Variants in BLK observed in about 807,000 individuals in gnomAD.
BLK encodes the protein BLK proto-oncogene, Src family tyrosine kinase.
BLK carries 64 observed loss-of-function variants against 61.8 expected under a neutral mutation model. The ratio of observed to expected loss-of-function variants is 1.03; its 90% CI spans 0.85 to 1.27. The LOEUF (loss-of-function observed/expected upper bound fraction) is 1.27. BLK is among the 50% of genes most tolerant of loss of function. The pLI, the probability that BLK is intolerant of heterozygous loss-of-function variation, is 0.00. For synonymous variants in BLK, 351 were observed against 272.0 expected, an observed-to-expected ratio of 1.29 and a Z score of -2.86; for missense variants, 853 against 660.5, an observed-to-expected ratio of 1.29 and a Z score of -3.19.
chr8:11,519,355 G>A (rs971946641), intron 1 of BLK, among the ~76,000 whole-genome samples: 3 of 152,120 alleles, frequency 2.0e-5, no homozygotes, highest in Non-Finnish European at 2.9e-5. Flanking sequence ...ACAGTTCCAC[G>A]GTATTGAACC....
At position 11,560,938 on chromosome 8, in the gene BLK, G is replaced by T. The variant is rs568391342; in HGVS notation, c.1030-364G>T. 243 of 483,016 alleles carry T rather than the reference G, an allele frequency of 5.0e-4. 1 individual carries two copies. The highest frequency in any genetic ancestry group is 8.9e-4 in the Non-Finnish European group (218 of 244,154). The allele number at this position is 483,016 out of a possible 1,614,324, so 29.9% of individuals were successfully genotyped here. On this transcript the variant is annotated intron_variant, in intron 10 of 12. Transcript: ENST00000259089. ...TGAGAGCTGCCTGTCCTTGCCTCCT[G>T]CTCCCCCTCCCCCTCCTTCCTTACC...
intron 1 of BLK, among the ~76,000 whole-genome samples, chr8:11,505,957 G>A (rs369955685): frequency 4.7e-4 from 72 of 152,282 alleles, no homozygotes; most frequent in African/African-American, 1.5e-3. Flanking sequence ...CCCTGCCTCC[G>A]ATAAGACCTC....
intron 1 of BLK, among the ~76,000 whole-genome samples, chr8:11,499,796 C>G (rs1285157492): frequency 6.6e-6 from 1 of 152,192 alleles, no homozygotes; most frequent in Non-Finnish European, 1.5e-5. Flanking sequence ...TTGCATCTAA[C>G]CACTAGCAGT....
At chr8:11,539,822 T>A (rs192359607) in intron 1 of BLK, among the ~76,000 whole-genome samples, 1 of 152,340 alleles carries the variant, frequency 6.6e-6, no homozygotes, top group East Asian at 1.9e-4. Context: ...ACAAACATTT[T>A]ACTATTTGGG....
chr8:11,554,829 T>G lies in BLK; in HGVS notation c.559T>G (p.Tyr187Asp). Residue 187 changes from tyrosine (Y) to aspartate (D), a missense_variant, in exon 7 of 13, where the codon TAC (tyrosine) becomes GAC (aspartate). Tyr to Asp is a radical substitution (Grantham distance 160). Coordinates refer to ENST00000259089, the MANE Select transcript of BLK (RefSeq NM_001715.3). ...GATCCGCTGCCTGGATGAAGGGGGC[T>G]ACTACATCTCCCCCCGGATCACCTT... ...YKIRCLDEGG[Y>D]YISPRITFPS... 6.2e-7 allele frequency: 1 copy of G among 1,614,008 alleles called. No homozygotes were observed. Among genetic ancestry groups the G allele is most frequent in the Non-Finnish European group, 8.5e-7 (1 of 1,179,958 alleles).
chr8:11,524,214 T>G lies in BLK; in HGVS notation c.-1-19010T>G, dbSNP rs186130776. 2.6e-3 allele frequency among the ~76,000 whole-genome samples: 389 copies of G among 152,344 alleles called. 1 individual carries two copies. The highest frequency in any genetic ancestry group is 8.7e-3 in the African/African-American group (362 of 41,580). ...TTTATATATAATTTATACTGTACTG[T>G]TCACAGAAATAACCAAGTTATGACA... On this transcript the variant is annotated intron_variant, in intron 1 of 12. Coordinates refer to ENST00000259089, the MANE Select transcript of BLK (RefSeq NM_001715.3).
At chr8:11,518,132 T>A (rs112487005) in intron 1 of BLK, among the ~76,000 whole-genome samples, 1 of 152,056 alleles carries the variant, frequency 6.6e-6, no homozygotes, top group African/African-American at 2.4e-5. Flanking sequence ...GTGAGTCAGG[T>A]AGAGAGCCCA....
chr8:11,547,283 A>G (rs1432930400), intron 3 of BLK, among the ~76,000 whole-genome samples: 1 of 152,228 alleles, frequency 6.6e-6, no homozygotes, highest in Admixed American at 6.5e-5. Flanking sequence ...AGAAGAGGTG[A>G]CCAGCCCGAG....
intron 1 of BLK, among the ~76,000 whole-genome samples, chr8:11,519,739 A>G (rs1030215169): frequency 5.9e-5 from 9 of 152,204 alleles, no homozygotes; most frequent in African/African-American, 2.2e-4. Context: ...GCTGACAAAT[A>G]TGGCGTAGTT....
In BLK at chr8:11,556,840, G is replaced by A. The variant is rs769747852; in HGVS notation, c.952+3G>A. The A allele has an allele frequency of 2.5e-6, 4 of 1,613,768 alleles. No homozygotes were observed. In the Admixed American group the frequency reaches 5.0e-5, roughly 20 times the overall value. ...TGTCACCGAGTACATGGCCAGAGGT[G>A]GTGCCCCCCGCAGAGCCGCATCCTC... is the stretch of plus-strand genomic sequence containing the variant. On this transcript the variant is annotated splice_donor_region_variant and intron_variant, in intron 9 of 12. Coordinates refer to ENST00000259089, the MANE Select transcript of BLK (RefSeq NM_001715.3).
chr8:11,519,340 C>G (rs1799349951), intron 1 of BLK, among the ~76,000 whole-genome samples: 1 of 152,290 alleles, frequency 6.6e-6, no homozygotes, highest in African/African-American at 2.4e-5. Flanking sequence ...ACCAGAAGCT[C>G]CGAAACAGTT....
At chr8:11,535,326 GAA>G in intron 1 of BLK, among the ~76,000 whole-genome samples, 1 of 115,066 alleles carries the variant, frequency 8.7e-6, no homozygotes, top group Non-Finnish European at 1.9e-5. Flanking sequence ...GAAAGAAAGA[GAA>G]GGAAAAGGGA....
intron 1 of BLK, among the ~76,000 whole-genome samples, chr8:11,501,476 C>G (rs1798558722): frequency 6.6e-6 from 1 of 151,742 alleles, no homozygotes. Flanking sequence ...AGTGTGAGGT[C>G]AAGATAGGCA....
intron 2 of BLK, 72 bp from the exon 3 acceptor site, chr8:11,545,980 G>A: frequency 6.6e-7 from 1 of 1,519,936 alleles, no homozygotes; most frequent in Non-Finnish European, 9.1e-7. Flanking sequence ...GCCCGGCTCA[G>A]CAGTCTCAAC....
intron 1 of BLK, among the ~76,000 whole-genome samples, chr8:11,521,902 T>C (rs1799467029): frequency 6.6e-6 from 1 of 152,234 alleles, no homozygotes; most frequent in Non-Finnish European, 1.5e-5. Context: ...TCTTTTCTAT[T>C]TTTGAGCCTT....
chr8:11,547,436 T>TGGTGCTCCAA (rs948539924), intron 3 of BLK, among the ~76,000 whole-genome samples: 7 of 152,176 alleles, frequency 4.6e-5, no homozygotes, highest in African/African-American at 1.7e-4. Flanking sequence ...CACTTGAAGA[T>TGGTGCTCCAA]GGTGCTCCAA....
At position 11,558,242 on chromosome 8, in the gene BLK, G is replaced by A. The variant is rs1001716973; in HGVS notation, c.1029+204G>A. Reference sequence around the variant, plus strand: ...CTGGCCACTGTGCCTCCTGCCCCACGCAGCTGTGAGGGAGCCCAGGGAATG... The same window carrying A: ...CTGGCCACTGTGCCTCCTGCCCCACACAGCTGTGAGGGAGCCCAGGGAATG... On this transcript the variant is annotated intron_variant, in intron 10 of 12. Coordinates refer to ENST00000259089, the MANE Select transcript of BLK (RefSeq NM_001715.3). 2.6e-5 allele frequency among the ~76,000 whole-genome samples: 4 copies of A among 152,218 alleles called. No homozygotes were observed. In the South Asian group the frequency reaches 6.2e-4, roughly 24 times the overall value.
At chr8:11,553,881 C>G (rs1334596619) in intron 6 of BLK, among the ~76,000 whole-genome samples, 1 of 152,162 alleles carries the variant, frequency 6.6e-6, no homozygotes, top group Non-Finnish European at 1.5e-5. Flanking sequence ...AACAGGACCG[C>G]GGAAAACCAA....
Position 11,549,047 on chromosome 8 carries a change from G to A in BLK, c.293G>A (p.Arg98Lys). The A allele has an allele frequency of 6.2e-7, 1 of 1,610,614 alleles. No homozygotes were observed. Among genetic ancestry groups the A allele is most frequent in the Non-Finnish European group, 8.5e-7 (1 of 1,178,676 alleles). The change falls in exon 5 of 13, where the codon AGG (arginine) becomes AAG (lysine). Residue 98 changes from arginine (R) to lysine (K), a missense_variant. Arg to Lys is a conservative substitution (Grantham distance 26, BLOSUM62 2). Transcript: ENST00000259089. The part of the protein sequence containing the change: ...LKGTGDWWLA[R>K]SLVTGREGYV... ...AGAACTGGAGACTGGTGGCTGGCCA[G>A]GTCACTCGTCACAGGAAGAGAAGGC... is the stretch of plus-strand genomic sequence containing the variant.
Sources: allele counts gnomAD v4.1 joint callset (sites outside exome capture counted in the v4.1 genomes callset), GRCh38; gene constraint gnomAD v4.1.1; transcripts MANE v1.5; gene names NCBI Gene and HGNC (gene_info 2026-07-23, HGNC 2026-07-21).